CWC27: variants seen among roughly 807,000 people sequenced by gnomAD.
The protein encoded by CWC27 is spliceosome-associated protein CWC27 homolog.
A neutral mutation model predicts 63.6 loss-of-function variants in CWC27; 47 were observed. The ratio of observed to expected loss-of-function variants is 0.74; its 90% CI spans 0.58 to 0.94. The LOEUF (loss-of-function observed/expected upper bound fraction) is 0.94, where lower values mean the gene tolerates loss of function less well. Ranked by LOEUF, CWC27 falls within the 40% of genes least tolerant of loss-of-function variation. The pLI is 0.00. For missense variants in CWC27, 495 were observed against 554.3 expected (o/e 0.89, Z 1.07); for synonymous variants, 175 against 179.8 (o/e 0.97, Z 0.22).
intron 13 of CWC27, among the ~76,000 whole-genome samples, chr5:65,009,720 A>G (rs781341622): frequency 3.9e-5 from 6 of 152,204 alleles, no homozygotes; most frequent in Non-Finnish European, 4.4e-5. Flanking sequence ...GGCATTTGCA[A>G]TCCAAGGAGA....
At chr5:64,877,266 T>C (rs1346662512) in intron 10 of CWC27, among the ~76,000 whole-genome samples, 3 of 151,900 alleles carry the variant, frequency 2.0e-5, no homozygotes, top group Non-Finnish European at 4.4e-5. Flanking sequence ...TGCAGCAACG[T>C]GGAAGGAACA....
chr5:64,950,329 T>C (rs952152023), intron 11 of CWC27, among the ~76,000 whole-genome samples: 3 of 141,388 alleles, frequency 2.1e-5, no homozygotes, highest in African/African-American at 8.0e-5. Context: ...CCAATCCTTT[T>C]CTGCCTCATT....
intron 13 of CWC27, among the ~76,000 whole-genome samples, chr5:65,006,617 A>T (rs1394027544): frequency 6.6e-6 from 1 of 152,112 alleles, no homozygotes; most frequent in Non-Finnish European, 1.5e-5. Flanking sequence ...TTACCTAAAA[A>T]TTATTTTATA....
intron 13 of CWC27, among the ~76,000 whole-genome samples, chr5:64,982,191 A>G (rs2112451054): frequency 6.6e-6 from 1 of 152,342 alleles, no homozygotes; most frequent in Middle Eastern, 3.4e-3. Context: ...TCATTATAAG[A>G]TACCATGAAA....
chr5:64,859,472 A>T (rs993225150), intron 10 of CWC27, among the ~76,000 whole-genome samples: 1 of 152,230 alleles, frequency 6.6e-6, no homozygotes, highest in South Asian at 2.1e-4. Flanking sequence ...TCAAAGCAGC[A>T]AAACCTGATT....
intron 11 of CWC27, among the ~76,000 whole-genome samples, chr5:64,965,115 A>G (rs1748989948): frequency 6.6e-6 from 1 of 152,086 alleles, no homozygotes; most frequent in African/African-American, 2.4e-5. Context: ...AAAAAACATA[A>G]CTTCTCAACA....
At chr5:64,936,888 G>A (rs971661958) in intron 11 of CWC27, among the ~76,000 whole-genome samples, 2 of 152,170 alleles carry the variant, frequency 1.3e-5, no homozygotes, top group African/African-American at 4.8e-5. Context: ...TATTTGCATA[G>A]AGGTATTTAT....
chr5:64,994,093 T>C (rs1402811102), intron 13 of CWC27, among the ~76,000 whole-genome samples: 2 of 152,240 alleles, frequency 1.3e-5, no homozygotes, highest in Non-Finnish European at 2.9e-5. Context: ...AAATACCTAA[T>C]TTGTGTTTAT....
chr5:64,830,189 G>A (rs1170443578), intron 10 of CWC27, among the ~76,000 whole-genome samples: 1 of 148,584 alleles, frequency 6.7e-6, no homozygotes, highest in Non-Finnish European at 1.5e-5. Context: ...CCCCATGACA[G>A]GCCCCTGTGT....
chr5:64,776,107 GAGAGAGAGAGA>G (rs1743440103), intron 2 of CWC27, among the ~76,000 whole-genome samples: 1 of 118,732 alleles, frequency 8.4e-6, no homozygotes, highest in African/African-American at 3.3e-5. Flanking sequence ...GAGAGAGAGA[GAGAGAGAGAGA>G]GAGAATGAAA....
intron 11 of CWC27, among the ~76,000 whole-genome samples, chr5:64,948,757 C>T (rs1158793394): frequency 6.6e-6 from 1 of 151,918 alleles, no homozygotes; most frequent in African/African-American, 2.4e-5. Flanking sequence ...TGCAGATGAA[C>T]TGTAAGATTC....
At chr5:64,834,659 G>T (rs1430150106) in intron 10 of CWC27, among the ~76,000 whole-genome samples, 1 of 151,584 alleles carries the variant, frequency 6.6e-6, no homozygotes, top group Non-Finnish European at 1.5e-5. Flanking sequence ...TTGTCTTTCT[G>T]CTGTTTGTTT....
chr5:64,852,410 A>G (rs1746153518), intron 10 of CWC27, among the ~76,000 whole-genome samples: 1 of 152,142 alleles, frequency 6.6e-6, no homozygotes, highest in Non-Finnish European at 1.5e-5. Context: ...GATATCTAAG[A>G]TCTACTTCAG....
At chr5:64,941,838 A>G (rs1201878626) in intron 11 of CWC27, among the ~76,000 whole-genome samples, 4 of 152,062 alleles carry the variant, frequency 2.6e-5, no homozygotes, top group Non-Finnish European at 4.4e-5. Flanking sequence ...ACTTGCTCCA[A>G]TTTGGAGGCT....
At chr5:65,006,876 A>T (rs1170494108) in intron 13 of CWC27, among the ~76,000 whole-genome samples, 1 of 151,992 alleles carries the variant, frequency 6.6e-6, no homozygotes, top group Non-Finnish European at 1.5e-5. Flanking sequence ...AATAACATGT[A>T]CAATAAACCC....
rs1743793849 is a variant in CWC27, at chr5:64,783,973, TG to T, written c.392del (p.Gly131GlufsTer17). 1.3e-6 allele frequency: 2 copies of T among 1,581,320 alleles called. No individual in the cohort carries two copies. The highest frequency in any genetic ancestry group is 2.4e-5 in the East Asian group (1 of 42,388). ...DELNNKHTIF[G>X]KVTGDTVYNM... ...AACTTAACAATAAGCATACCATCTTTGGAAAGGTTAGTGTCCAGTGATTTTA... is the reference window on the plus strand; with the variant it reads ...AACTTAACAATAAGCATACCATCTTTGAAAGGTTAGTGTCCAGTGATTTTA... On this transcript the variant is annotated frameshift_variant, in exon 4 of 14. Coordinates refer to ENST00000381070, the MANE Select transcript of CWC27 (RefSeq NM_005869.4). LOFTEE classifies it high-confidence loss of function.
At chr5:64,884,927 T>C (rs1027554272) in intron 10 of CWC27, among the ~76,000 whole-genome samples, 2 of 152,178 alleles carry the variant, frequency 1.3e-5, no homozygotes, top group Non-Finnish European at 2.9e-5. Flanking sequence ...CAAACTGTAG[T>C]ATTAAATGAG....
chr5:64,875,710 C>G (rs1746779003), intron 10 of CWC27, among the ~76,000 whole-genome samples: 1 of 152,082 alleles, frequency 6.6e-6, no homozygotes, highest in Non-Finnish European at 1.5e-5. Flanking sequence ...AACACAAAAA[C>G]TAATCACTGT....
chr5:64,995,260 C>T (rs955382814), intron 13 of CWC27, among the ~76,000 whole-genome samples: 1 of 152,072 alleles, frequency 6.6e-6, no homozygotes, highest in Non-Finnish European at 1.5e-5. Flanking sequence ...GTATGAGCCA[C>T]GGCGCCTGGC....
Sources: gnomAD v4.1 joint callset for allele counts (sites outside exome capture counted in the v4.1 genomes callset) on GRCh38, gnomAD v4.1.1 for gene constraint, MANE v1.5 for transcripts, NCBI Gene and HGNC (gene_info 2026-07-23, HGNC 2026-07-21) for gene names.